PRIM1: variants seen among roughly 807,000 people sequenced by gnomAD.
PRIM1 encodes the protein DNA primase subunit 1, also known as DNA primase small subunit.
Under a neutral mutation model 60.2 loss-of-function variants are expected in PRIM1, and 38 were observed. The ratio of observed to expected loss-of-function variants is 0.63; its 90% confidence interval spans 0.49 to 0.83. The LOEUF (loss-of-function observed/expected upper bound fraction) is 0.83. Among genes scored for constraint, PRIM1 ranks in the 40% least tolerant of loss-of-function variants. PRIM1 has a pLI of 0.00. For missense variants in PRIM1, 388 were observed against 506.2 expected, an observed-to-expected ratio of 0.77 and a Z score of 2.24; for synonymous variants, 158 against 160.2, an observed-to-expected ratio of 0.99 and a Z score of 0.10.
rs571781364 is a variant in PRIM1 at position 56,751,125 on chromosome 12, T to A, written c.174A>T (p.Gln58His). 3 of 1,587,086 alleles carry A rather than the reference T, an allele frequency of 1.9e-6. No homozygotes were observed. In the African/African-American group the frequency reaches 4.0e-5, roughly 21 times the overall value. ...TLKDDIYIRY[Q>H]SFNNQSDLEK... Reference sequence around the variant, plus strand: ...CCAGATCACTCTGGTTGTTGAAGGATTGGTAGCGAATGTAAATATCATCTT... The same window carrying A: ...CCAGATCACTCTGGTTGTTGAAGGAATGGTAGCGAATGTAAATATCATCTT... Residue 58 changes from glutamine to histidine, a missense_variant, in exon 2 of 13, where the codon CAA becomes CAT. Gln to His is a conservative substitution (Grantham distance 24). Coordinates refer to ENST00000338193, the MANE Select transcript of PRIM1 (RefSeq NM_000946.3).
chr12:56,743,874 T>C, intron 6 of PRIM1, 191 bp downstream of exon 6: 1 of 450,312 alleles, frequency 2.2e-6, no homozygotes, highest in Non-Finnish European at 4.0e-6. Context: ...GTGGGGTTTT[T>C]TTGAAGAGCA....
intron 5 of PRIM1, 39 bp from the exon 6 acceptor site, chr12:56,744,162 A>G (rs779054217): frequency 2.1e-6 from 3 of 1,407,918 alleles, no homozygotes; most frequent in Non-Finnish European, 2.9e-6. Context: ...TCAGGTATAC[A>G]ATATAAATAC....
intron 11 of PRIM1, among the ~76,000 whole-genome samples, chr12:56,736,351 T>C (rs1222751293): frequency 7.0e-6 from 1 of 143,870 alleles, no homozygotes; most frequent in African/African-American, 2.6e-5. Context: ...TATTCATCCA[T>C]TTAATTATAT....
At position 56,752,182 on chromosome 12, in the gene PRIM1, C is replaced by T; in HGVS notation, c.103+14G>A. On this transcript the variant is annotated intron_variant, in intron 1 of 12. Coordinates refer to ENST00000338193, the MANE Select transcript of PRIM1 (RefSeq NM_000946.3). Reference sequence around the variant, plus strand: ...TCACACTCCGCTCCCGAACCCATTCCTCGCCTCCATCACCTCCACCGTAGT... The same window carrying T: ...TCACACTCCGCTCCCGAACCCATTCTTCGCCTCCATCACCTCCACCGTAGT... 2 of 1,561,992 alleles carry T rather than the reference C, an allele frequency of 1.3e-6. No individual in the cohort carries two copies. The highest frequency in any genetic ancestry group is 1.7e-6 in the Non-Finnish European group (2 of 1,145,196).
chr12:56,740,799 T>A (rs1373723665), intron 9 of PRIM1, among the ~76,000 whole-genome samples: 2 of 151,814 alleles, frequency 1.3e-5, no homozygotes, highest in East Asian at 3.9e-4. Flanking sequence ...AGGAGTAGAG[T>A]TCATTTCATT....
chr12:56,738,287 T>C, intron 11 of PRIM1, 147 bp downstream of exon 11: 4 of 1,145,288 alleles, frequency 3.5e-6, no homozygotes, highest in East Asian at 2.7e-5. Context: ...TGGGCTGCTG[T>C]TGAAGAAAGG....
At chr12:56,731,831 C>T in intron 12 of PRIM1, 97 bp from the exon 13 acceptor site, 2 of 938,982 alleles carry the variant, frequency 2.1e-6, no homozygotes, top group African/African-American at 1.7e-5. Context: ...TTCTATTTAA[C>T]ACACATCATG....
At chr12:56,738,841 C>T (rs747739006) in intron 10 of PRIM1, among the ~76,000 whole-genome samples, 1 of 152,160 alleles carries the variant, frequency 6.6e-6, no homozygotes. Flanking sequence ...TGAGCCACCG[C>T]GCCTCACCAC....
At chr12:56,734,552 A>G (rs1041571547) in intron 11 of PRIM1, among the ~76,000 whole-genome samples, 1 of 147,000 alleles carries the variant, frequency 6.8e-6, no homozygotes, top group Non-Finnish European at 1.5e-5. Flanking sequence ...GGCATGTACC[A>G]CCATGCCCAA....
chr12:56,747,933 G>A (rs1477331204), intron 2 of PRIM1, among the ~76,000 whole-genome samples: 1 of 152,078 alleles, frequency 6.6e-6, no homozygotes, highest in Non-Finnish European at 1.5e-5. Flanking sequence ...GGTATTGTTG[G>A]AATGAGTAAG....
intron 5 of PRIM1, among the ~76,000 whole-genome samples, chr12:56,744,467 A>G (rs548538409): frequency 1.3e-5 from 2 of 151,974 alleles, no homozygotes; most frequent in East Asian, 3.9e-4. Context: ...CACTCTAGCC[A>G]GGGTGACAAG....
chr12:56,731,888 A>G (rs1953787660), intron 12 of PRIM1, among the ~76,000 whole-genome samples, 154 bp from the exon 13 acceptor site: 1 of 152,236 alleles, frequency 6.6e-6, no homozygotes, highest in African/African-American at 2.4e-5. Flanking sequence ...TCATAGGCTG[A>G]GCTAGTATGG....
intron 12 of PRIM1, among the ~76,000 whole-genome samples, chr12:56,733,850 C>T (rs1056006403): frequency 2.6e-5 from 4 of 152,126 alleles, no homozygotes; most frequent in Non-Finnish European, 2.9e-5. Context: ...CTTGGTCTCC[C>T]AAAGTGCTGG....
At chr12:56,738,801 T>G (rs187612059) in intron 10 of PRIM1, among the ~76,000 whole-genome samples, 1 of 152,262 alleles carries the variant, frequency 6.6e-6, no homozygotes, top group African/African-American at 2.4e-5. Context: ...CCACGCGCTT[T>G]GCCCTCCCAA....
At chr12:56,732,886 G>T (rs555839987) in intron 12 of PRIM1, among the ~76,000 whole-genome samples, 1 of 150,332 alleles carries the variant, frequency 6.7e-6, no homozygotes, top group Non-Finnish European at 1.5e-5. Context: ...ATAGTGTCTT[G>T]CTCTGTTGCC....
Position 56,752,256 on chromosome 12 carries a change from G to A in PRIM1, c.43C>T (p.Leu15Phe). Residue 15 changes from leucine to phenylalanine, a missense_variant, in exon 1 of 13, where the codon CTT becomes TTT. By Grantham distance (22) the Leu-to-Phe change is conservative. Coordinates refer to ENST00000338193, the MANE Select transcript of PRIM1 (RefSeq NM_000946.3). ...DPTELPELLK[L>F]YYRRLFPYSQ... ...TAGGGAAAGAGCCTCCGGTAATAAAGTTTAAGCAGCTCGGGCAGCTCGGTG... is the reference window on the plus strand; with the variant it reads ...TAGGGAAAGAGCCTCCGGTAATAAAATTTAAGCAGCTCGGGCAGCTCGGTG... The A allele has an allele frequency of 1.3e-6, 2 of 1,598,838 alleles. No individual in the cohort carries two copies. The highest frequency in any genetic ancestry group is 1.7e-6 in the Non-Finnish European group (2 of 1,172,764).
At chr12:56,732,571 A>G (rs1464092906) in intron 12 of PRIM1, among the ~76,000 whole-genome samples, 1 of 152,168 alleles carries the variant, frequency 6.6e-6, no homozygotes. Context: ...TATTAAGCCC[A>G]AAACCAAGCC....
At chr12:56,734,793 T>TAA (rs1471652740) in intron 11 of PRIM1, among the ~76,000 whole-genome samples, 1 of 143,906 alleles carries the variant, frequency 6.9e-6, no homozygotes, top group Non-Finnish European at 1.5e-5. Flanking sequence ...TATATATATA[T>TAA]AATATATATA....
rs764191902 is a variant in PRIM1 at position 56,751,146 on chromosome 12, A to G, written c.153T>C (p.Asp51=). The G allele has an allele frequency of 9.5e-6, 15 of 1,572,438 alleles. No individual in the cohort carries two copies. The highest frequency in any genetic ancestry group is 1.3e-5 in the Non-Finnish European group (15 of 1,157,552). The change falls in exon 2 of 13, where the codon GAT becomes GAC. Residue 51 remains aspartate (D), a synonymous_variant. Transcript: ENST00000338193. ...QHREFSFTLK[D]DIYIRYQSFN... ...AGGATTGGTAGCGAATGTAAATATC[A>G]TCTTTCAATGTGAATGAAAATTCAC... is the stretch of plus-strand genomic sequence containing the variant.
Sources: gnomAD v4.1 joint callset for allele counts (sites outside exome capture counted in the v4.1 genomes callset) on GRCh38, gnomAD v4.1.1 for gene constraint, MANE v1.5 for transcripts, NCBI Gene and HGNC (gene_info 2026-07-23, HGNC 2026-07-21) for gene names.